Variants in CSMD1 observed in about 807,000 individuals in gnomAD.
CSMD1 encodes the protein CUB and sushi domain-containing protein 1.
A neutral mutation model predicts 417.5 loss-of-function variants in CSMD1; 213 were observed. That is an observed-to-expected ratio of 0.51 (90% CI 0.46 to 0.57). The LOEUF (loss-of-function observed/expected upper bound fraction) is 0.57, where lower values mean the gene tolerates loss of function less well. Ranked by LOEUF, CSMD1 falls within the 20% of genes least tolerant of loss-of-function variation. The pLI, the probability that CSMD1 is intolerant of heterozygous loss-of-function variation, is 0.00. For synonymous variants in CSMD1, 2,862 were observed against 1,736.8 expected (o/e 1.65, Z -16.11); for missense variants, 6,923 against 4,529.7 (o/e 1.53, Z -15.17).
At chr8:4,548,834 G>C (rs1384895529) in intron 2 of CSMD1, among the ~76,000 whole-genome samples, 2 of 152,196 alleles carry the variant, frequency 1.3e-5, no homozygotes, top group South Asian at 2.1e-4. Context: ...TACTGCCTTG[G>C]TCTTGGGGGG....
chr8:3,724,296 C>G (rs4401889), intron 6 of CSMD1, among the ~76,000 whole-genome samples: 3 of 151,488 alleles, frequency 2.0e-5, no homozygotes, highest in Non-Finnish European at 2.9e-5. Flanking sequence ...GTGCCGCACC[C>G]ACTAACTCGT....
chr8:4,149,295 A>G (rs1245778067), intron 3 of CSMD1, among the ~76,000 whole-genome samples: 11 of 152,196 alleles, frequency 7.2e-5, no homozygotes, highest in Non-Finnish European at 1.5e-5. Context: ...AAAAGTAAAG[A>G]TAAGCTTTCA....
At chr8:4,508,075 T>G (rs1373272229) in intron 2 of CSMD1, among the ~76,000 whole-genome samples, 1 of 108,948 alleles carries the variant, frequency 9.2e-6, no homozygotes, top group African/African-American at 3.6e-5. Context: ...GTGAGCTATG[T>G]AGAAAAAAAA....
intron 19 of CSMD1, among the ~76,000 whole-genome samples, chr8:3,368,009 C>T (rs945260636): frequency 6.6e-6 from 1 of 152,028 alleles, no homozygotes; most frequent in Admixed American, 6.5e-5. Context: ...TTTAGATGCC[C>T]GTAAAGCATA....
intron 3 of CSMD1, among the ~76,000 whole-genome samples, chr8:4,341,639 A>C (rs1800484159): frequency 6.6e-6 from 1 of 152,180 alleles, no homozygotes; most frequent in African/African-American, 2.4e-5. Flanking sequence ...TGTTTAGGAT[A>C]TGCTCTTGTG....
chr8:3,644,237 G>T (rs1338099052), intron 7 of CSMD1, among the ~76,000 whole-genome samples: 1 of 152,176 alleles, frequency 6.6e-6, no homozygotes, highest in African/African-American at 2.4e-5. Context: ...CCAGGTCGTT[G>T]AGGTGACACT....
intron 30 of CSMD1, among the ~76,000 whole-genome samples, chr8:3,209,808 C>A (rs1469570371): frequency 6.6e-6 from 1 of 152,122 alleles, no homozygotes; most frequent in African/African-American, 2.4e-5. Context: ...CAAAAGCATT[C>A]ATTGCTAATG....
At chr8:3,277,072 T>C (rs905503) in intron 26 of CSMD1, among the ~76,000 whole-genome samples, 41,739 of 151,680 alleles carry the variant, frequency 0.28, 5,949 homozygotes, top group African/African-American at 0.34. Flanking sequence ...GCGGGGAAGG[T>C]CAGTCCAGTG....
At chr8:4,978,225 C>A (rs536073357) in intron 1 of CSMD1, among the ~76,000 whole-genome samples, 1 of 152,234 alleles carries the variant, frequency 6.6e-6, no homozygotes, top group African/African-American at 2.4e-5. Context: ...AGAGACCCAA[C>A]CTTTTAAGAT....
chr8:2,942,341 T>TA, intron 69 of CSMD1, 131 bp downstream of exon 69: 3 of 863,878 alleles, frequency 3.5e-6, no homozygotes, highest in South Asian at 2.4e-5. Flanking sequence ...AAAAGTTGAT[T>TA]TAAAAAAAAA....
At chr8:3,093,196 G>A (rs768321327) in intron 47 of CSMD1, among the ~76,000 whole-genome samples, 10 of 152,184 alleles carry the variant, frequency 6.6e-5, no homozygotes, top group Non-Finnish European at 1.2e-4. Context: ...AAACGAGGTA[G>A]TATGGGTGGG....
At chr8:4,835,001 G>A (rs1457386550) in intron 1 of CSMD1, among the ~76,000 whole-genome samples, 87 of 69,100 alleles carry the variant, frequency 1.3e-3, no homozygotes, top group South Asian at 2.6e-3. Flanking sequence ...AAGAAAGAAA[G>A]AAAGAAAGAA....
At chr8:3,191,130 T>C (rs533432814) in intron 33 of CSMD1, among the ~76,000 whole-genome samples, 45 of 152,232 alleles carry the variant, frequency 3.0e-4, no homozygotes, top group African/African-American at 1.1e-3. Context: ...CATTTAGTCC[T>C]CTCTAAAGTC....
chr8:4,429,595 A>C (rs75980946), intron 2 of CSMD1, among the ~76,000 whole-genome samples: 2 of 152,216 alleles, frequency 1.3e-5, no homozygotes, highest in African/African-American at 4.8e-5. Context: ...GGAGGCAAAG[A>C]AAGTCAAAGT....
chr8:3,679,130 T>C (rs113376526), intron 7 of CSMD1, among the ~76,000 whole-genome samples: 22,361 of 152,042 alleles, frequency 0.15, 1,838 homozygotes, highest in South Asian at 0.22. Flanking sequence ...TATCAACTAA[T>C]GAGCACAATA....
rs145699630 is a variant in CSMD1, at chr8:3,490,049, A to T, written c.1448+3574T>A. Among the ~76,000 whole-genome samples, 502 of 152,336 alleles carry T rather than the reference A, an allele frequency of 3.3e-3. 6 individuals are homozygous for T. The highest frequency in any genetic ancestry group is 0.011 in the African/African-American group (447 of 41,580). On this transcript the variant is annotated intron_variant, in intron 11 of 69. Transcript: ENST00000635120. Reference sequence around the variant, plus strand: ...AAGAATGTTTGCATATAAGTACTCAAAAGTATTTGTCGATGTATCGCCTAA... The same window carrying T: ...AAGAATGTTTGCATATAAGTACTCATAAGTATTTGTCGATGTATCGCCTAA...
intron 4 of CSMD1, among the ~76,000 whole-genome samples, chr8:4,028,979 G>T (rs1394210508): frequency 1.3e-5 from 2 of 152,178 alleles, no homozygotes; most frequent in Non-Finnish European, 2.9e-5. Context: ...GCAGGTAAAG[G>T]AATTCTCATC....
At chr8:4,100,507 G>A (rs529389943) in intron 3 of CSMD1, among the ~76,000 whole-genome samples, 1 of 152,192 alleles carries the variant, frequency 6.6e-6, no homozygotes, top group South Asian at 2.1e-4. Context: ...ACTATAAAAT[G>A]GATTAAAAAT....
At chr8:3,994,802 T>G (rs1002145752) in intron 5 of CSMD1, among the ~76,000 whole-genome samples, 2 of 152,192 alleles carry the variant, frequency 1.3e-5, no homozygotes, top group African/African-American at 4.8e-5. Flanking sequence ...GTAATTTCAC[T>G]CCAAATTAAA....
Sources: gnomAD v4.1 joint callset for allele counts (sites outside exome capture counted in the v4.1 genomes callset) on GRCh38, gnomAD v4.1.1 for gene constraint, MANE v1.5 for transcripts, NCBI Gene and HGNC (gene_info 2026-07-23, HGNC 2026-07-21) for gene names.